ZNHIT6: variants seen among roughly 807,000 people sequenced by gnomAD.
ZNHIT6 encodes zinc finger HIT-type containing 6, also known as box C/D snoRNA protein 1.
In ZNHIT6, 45 loss-of-function variants were observed where a neutral mutation model predicts 57.2. The ratio of observed to expected loss-of-function variants is 0.79; its 90% confidence interval spans 0.62 to 1.01. The LOEUF (loss-of-function observed/expected upper bound fraction) is 1.01. Ranked by LOEUF, ZNHIT6 falls within the 50% of genes least tolerant of loss-of-function variation. ZNHIT6 has a pLI of 0.00. For missense variants in ZNHIT6, 528 were observed against 567.3 expected (o/e 0.93, Z 0.70); for synonymous variants, 188 against 190.0 (o/e 0.99, Z 0.09).
intron 4 of ZNHIT6, 44 bp from the exon 5 acceptor site, chr1:85,702,304 T>G (rs1422628640): frequency 8.3e-7 from 1 of 1,211,912 alleles, no homozygotes; most frequent in African/African-American, 1.5e-5. Context: ...TTAAATTCCT[T>G]AAATTTAAAA....
Position 85,657,827 on chromosome 1 carries a change from A to G in ZNHIT6, c.1372+20T>C. ...TCTCTAAAGCTATTCTAAGCATTACAGAAACAAATTTACACTTACCTTGGT... is the reference window on the plus strand; with the variant it reads ...TCTCTAAAGCTATTCTAAGCATTACGGAAACAAATTTACACTTACCTTGGT... On this transcript the variant is annotated intron_variant, in intron 9 of 9. Coordinates refer to ENST00000370574, the MANE Select transcript of ZNHIT6 (RefSeq NM_017953.4). 1.9e-6 allele frequency: 3 copies of G among 1,604,532 alleles called. No homozygotes were observed. In the East Asian group the frequency reaches 6.7e-5, roughly 36 times the overall value.
At chr1:85,700,309 A>C (rs1270938793) in intron 5 of ZNHIT6, among the ~76,000 whole-genome samples, 2 of 152,172 alleles carry the variant, frequency 1.3e-5, no homozygotes, top group Non-Finnish European at 2.9e-5. Context: ...GCAGACGGTA[A>C]AAGACTAAGA....
intron 8 of ZNHIT6, among the ~76,000 whole-genome samples, chr1:85,666,334 A>G (rs528898287): frequency 6.6e-6 from 1 of 152,322 alleles, no homozygotes; most frequent in South Asian, 2.1e-4. Flanking sequence ...ATAACATAAC[A>G]AGGATAGGTA....
At chr1:85,654,120 TAC>T in intron 9 of ZNHIT6, 22 bp from the exon 10 acceptor site, 4 of 1,603,810 alleles carry the variant, frequency 2.5e-6, no homozygotes, top group Non-Finnish European at 2.6e-6. Context: ...TAAGTAAACA[TAC>T]AGTCAAGTGT....
At chr1:85,683,715 C>T (rs1661945367) in intron 5 of ZNHIT6, among the ~76,000 whole-genome samples, 1 of 152,078 alleles carries the variant, frequency 6.6e-6, no homozygotes, top group East Asian at 1.9e-4. Context: ...AATATACATA[C>T]ATCAAAATCC....
chr1:85,668,940 TC>T (rs1661465799), intron 8 of ZNHIT6, among the ~76,000 whole-genome samples: 1 of 152,004 alleles, frequency 6.6e-6, no homozygotes, highest in African/African-American at 2.4e-5. Flanking sequence ...CAAAGTGTGG[TC>T]CCAGGAAAAA....
At chr1:85,703,307 T>G (rs1662587690) in intron 4 of ZNHIT6, among the ~76,000 whole-genome samples, 3 of 152,194 alleles carry the variant, frequency 2.0e-5, no homozygotes, top group Non-Finnish European at 4.4e-5. Flanking sequence ...TTGCTTAGAT[T>G]TGCAATTATT....
At chr1:85,678,899 C>CA in intron 6 of ZNHIT6, 118 bp from the exon 7 acceptor site, 1 of 527,116 alleles carries the variant, frequency 1.9e-6, no homozygotes, top group Non-Finnish European at 3.2e-6. Flanking sequence ...GAACAAAGAC[C>CA]TTTTATATTA....
chr1:85,654,557 G>A (rs77767242), intron 9 of ZNHIT6, among the ~76,000 whole-genome samples: 1 of 152,226 alleles, frequency 6.6e-6, no homozygotes, highest in East Asian at 1.9e-4. Flanking sequence ...TAGAAATGGA[G>A]CTCCTCTGAC....
chr1:85,670,778 TG>T (rs1414947696), intron 8 of ZNHIT6, among the ~76,000 whole-genome samples: 4 of 152,106 alleles, frequency 2.6e-5, no homozygotes, highest in African/African-American at 9.7e-5. Context: ...AAAGGACAAA[TG>T]GAAGACTCAT....
At chr1:85,692,762 C>T (rs1025566825) in intron 5 of ZNHIT6, among the ~76,000 whole-genome samples, 15 of 149,752 alleles carry the variant, frequency 1.0e-4, no homozygotes, top group African/African-American at 3.4e-4. Flanking sequence ...TACATTACCA[C>T]ATAACTGTTT....
chr1:85,677,224 G>T lies in ZNHIT6; in HGVS notation c.1247+12C>A. 1 of 1,573,048 alleles carries T rather than the reference G, an allele frequency of 6.4e-7. No homozygotes were observed. Among genetic ancestry groups the T allele is most frequent in the Admixed American group, 1.9e-5 (1 of 51,598 alleles). ...AAAATATTTAAAGAAATGGGGAGGG[G>T]AGCAATTTTACCTTACTAAATTTTG... On this transcript the variant is annotated intron_variant, in intron 8 of 9. Transcript: ENST00000370574.
chr1:85,701,083 A>C (rs1662517632), intron 5 of ZNHIT6, among the ~76,000 whole-genome samples: 2 of 152,238 alleles, frequency 1.3e-5, no homozygotes, highest in South Asian at 4.1e-4. Context: ...TTTCGAAGAC[A>C]ACCAGGAAAA....
At chr1:85,663,482 T>C (rs1328098207) in intron 8 of ZNHIT6, among the ~76,000 whole-genome samples, 1 of 152,248 alleles carries the variant, frequency 6.6e-6, no homozygotes, top group African/African-American at 2.4e-5. Context: ...GAAAATGTTA[T>C]AAGCATTAGC....
At chr1:85,706,645 A>C in intron 1 of ZNHIT6, 138 bp from the exon 2 acceptor site, 1 of 782,490 alleles carries the variant, frequency 1.3e-6, no homozygotes, top group Non-Finnish European at 1.8e-6. Flanking sequence ...ATCATTTGAA[A>C]ATTCTTCTCT....
Position 85,708,285 on chromosome 1 carries a change from C to A in ZNHIT6, c.-1G>T, listed in dbSNP as rs369948368. 7 of 1,595,078 alleles carry A rather than the reference C, an allele frequency of 4.4e-6. No individual in the cohort carries two copies. Among genetic ancestry groups the A allele is most frequent in the Non-Finnish European group, 6.0e-6 (7 of 1,169,426 alleles). ...CTTCATTTTCAGCAGCAAACTCCAT[C>A]AACTCACGATCCTTGGCCTCTGCTG... On this transcript the variant is annotated 5_prime_UTR_variant, in exon 1 of 10. Transcript: ENST00000370574.
intron 5 of ZNHIT6, among the ~76,000 whole-genome samples, chr1:85,700,859 T>C (rs1434277563): frequency 6.6e-6 from 1 of 152,138 alleles, no homozygotes; most frequent in Non-Finnish European, 1.5e-5. Flanking sequence ...CAGACTGGAG[T>C]GCAGTGGTGC....
intron 8 of ZNHIT6, among the ~76,000 whole-genome samples, chr1:85,672,410 C>T (rs1017299940): frequency 5.9e-5 from 9 of 152,138 alleles, no homozygotes; most frequent in Non-Finnish European, 1.3e-4. Context: ...AAAAATACTG[C>T]TCTGCATACA....
rs563030453 is a variant in ZNHIT6, at chr1:85,679,822, C to T, written c.1088+1014G>A. Among the ~76,000 whole-genome samples the T allele has an allele frequency of 3.4e-4, 52 of 152,192 alleles. No individual in the cohort carries two copies. The Middle Eastern group carries it at 0.014, about 40-fold the overall frequency. ...CTGGTCTCTAACTCCTGGCCAAAGGCAATCCATCCGCCTCGACCTCCCAAA... is the reference window on the plus strand; with the variant it reads ...CTGGTCTCTAACTCCTGGCCAAAGGTAATCCATCCGCCTCGACCTCCCAAA... On this transcript the variant is annotated intron_variant, in intron 6 of 9. Coordinates refer to ENST00000370574, the MANE Select transcript of ZNHIT6 (RefSeq NM_017953.4).
Sources: gnomAD v4.1 joint callset for allele counts (sites outside exome capture counted in the v4.1 genomes callset) on GRCh38, gnomAD v4.1.1 for gene constraint, MANE v1.5 for transcripts, NCBI Gene and HGNC (gene_info 2026-07-23, HGNC 2026-07-21) for gene names.